The following DROSHA variants were observed in gnomAD, a reference collection of about 807,000 sequenced individuals.
The protein encoded by DROSHA is ribonuclease 3.
A neutral mutation model predicts 181.9 loss-of-function variants in DROSHA; 56 were observed. That is an observed-to-expected ratio of 0.31 (90% CI 0.25 to 0.38). DROSHA has a LOEUF of 0.38. Ranked by LOEUF, DROSHA falls within the 10% of genes least tolerant of loss-of-function variation. The pLI is 1.00. For missense variants in DROSHA, 1,218 were observed against 1,743.5 expected, an observed-to-expected ratio of 0.70 and a Z score of 5.37; for synonymous variants, 524 against 591.2, an observed-to-expected ratio of 0.89 and a Z score of 1.65.
intron 21 of DROSHA, among the ~76,000 whole-genome samples, chr5:31,449,837 T>C (rs1045602969): frequency 1.3e-5 from 2 of 152,184 alleles, no homozygotes; most frequent in African/African-American, 4.8e-5. Context: ...CCCTGATCTT[T>C]CCATCTTATC....
At chr5:31,401,738 C>CA (rs1437310510) in intron 35 of DROSHA, among the ~76,000 whole-genome samples, 176 bp from the exon 36 acceptor site, 1 of 152,120 alleles carries the variant, frequency 6.6e-6, no homozygotes, top group African/African-American at 2.4e-5. Context: ...TTTCATCACT[C>CA]AAAAACATAA....
intron 23 of DROSHA, among the ~76,000 whole-genome samples, chr5:31,439,497 CA>C (rs994222017): frequency 6.6e-6 from 1 of 152,034 alleles, no homozygotes; most frequent in African/African-American, 2.4e-5. Context: ...ATTTTAGGTT[CA>C]GGGGTACCTG....
chr5:31,445,861 A>G (rs618885), intron 23 of DROSHA, among the ~76,000 whole-genome samples: 27,914 of 152,176 alleles, frequency 0.18, 2,788 homozygotes, highest in East Asian at 0.35. Flanking sequence ...TCCTACTGAG[A>G]TTAGGAAGAC....
At chr5:31,463,631 G>C (rs1395364449) in intron 20 of DROSHA, among the ~76,000 whole-genome samples, 1 of 152,074 alleles carries the variant, frequency 6.6e-6, no homozygotes, top group Admixed American at 6.5e-5. Flanking sequence ...TGGTTTAGGG[G>C]ATCTTTAATC....
At chr5:31,466,564 C>G (rs1749033951) in intron 18 of DROSHA, 3 of 258,686 alleles carry the variant, frequency 1.2e-5, no homozygotes, top group African/African-American at 2.2e-5. Context: ...TCCAAAGACA[C>G]AAAAACACCT....
At chr5:31,416,806 G>A (rs900561762) in intron 30 of DROSHA, among the ~76,000 whole-genome samples, 23 of 152,260 alleles carry the variant, frequency 1.5e-4, no homozygotes, top group Admixed American at 1.3e-3. Context: ...GACCACCCAG[G>A]GCTTTGCCTG....
Position 31,439,373 on chromosome 5 carries a change from T to C in DROSHA, c.2883-2075A>G, listed in dbSNP as rs191799802. Among the ~76,000 whole-genome samples the C allele has an allele frequency of 3.2e-4, 48 of 152,316 alleles. 1 individual carries two copies. The highest frequency in any genetic ancestry group is 3.0e-3 in the Admixed American group (46 of 15,302). ...GTAGCCATGTGGGCTACCAGATCGA[T>C]TGTCATAGTATCTCAGTGCCTATGT... On this transcript the variant is annotated intron_variant, in intron 23 of 35. Transcript: ENST00000344624.
At chr5:31,479,779 T>C (rs1457879222) in intron 16 of DROSHA, among the ~76,000 whole-genome samples, 1 of 152,122 alleles carries the variant, frequency 6.6e-6, no homozygotes, top group Non-Finnish European at 1.5e-5. Flanking sequence ...TTGAATAGCA[T>C]ATGTACGTTC....
intron 17 of DROSHA, among the ~76,000 whole-genome samples, chr5:31,469,140 C>T (rs554431250): frequency 1.3e-5 from 2 of 152,188 alleles, no homozygotes; most frequent in African/African-American, 2.4e-5. Flanking sequence ...GGGTGGATCA[C>T]GAGGTCAGGA....
chr5:31,431,444 G>T lies in DROSHA; in HGVS notation c.3145+132C>A, dbSNP rs1195162057. 5.8e-6 allele frequency: 4 copies of T among 687,618 alleles called. No individual in the cohort carries two copies. The African/African-American group carries it at 7.3e-5, about 12-fold the overall frequency. 42.6% of individuals were successfully genotyped at this position (687,618 alleles called of 1,614,324 possible). A position where few individuals can be genotyped will look rare whatever the true frequency, so the allele number is the denominator to read the frequency against. On this transcript the variant is annotated intron_variant, in intron 26 of 35. Transcript: ENST00000344624. Reference sequence around the variant, plus strand: ...AAATAACTATAATATAAGGTGGTAGGTGTCGTCCTAGGAACCTCATGTGCT... The same window carrying T: ...AAATAACTATAATATAAGGTGGTAGTTGTCGTCCTAGGAACCTCATGTGCT...
rs1186632820 is a variant in DROSHA at position 31,508,603 on chromosome 5, G to C, written c.1587+18C>G. On this transcript the variant is annotated intron_variant, in intron 10 of 35. Coordinates refer to ENST00000344624, the MANE Select transcript of DROSHA (RefSeq NM_001382508.1). ...TCTGGGTTTGCAACCTTCACAGCAA[G>C]GGCATAAAAACACGCACCTGGCCTG... 1.9e-6 allele frequency: 3 copies of C among 1,613,704 alleles called. No homozygotes were observed. The highest frequency in any genetic ancestry group is 2.5e-6 in the Non-Finnish European group (3 of 1,179,820).
In DROSHA at chr5:31,514,580, G is replaced by C. The variant is rs1022510022; in HGVS notation, c.1290+408C>G. On this transcript the variant is annotated intron_variant, in intron 8 of 35. Coordinates refer to ENST00000344624, the MANE Select transcript of DROSHA (RefSeq NM_001382508.1). The surrounding 1 kb of genome is among the most constrained non-coding windows in gnomAD (Gnocchi z 4.4). ...GAATCACTTGAGCCTGGAAGATCAA[G>C]GCTGCAGTGAGCCACGATGGTGCCA... Among the ~76,000 whole-genome samples the C allele has an allele frequency of 1.3e-5, 2 of 152,184 alleles. No homozygotes were observed. Among genetic ancestry groups the C allele is most frequent in the Non-Finnish European group, 2.9e-5 (2 of 68,036 alleles).
At chr5:31,459,945 T>G (rs746079494) in intron 20 of DROSHA, among the ~76,000 whole-genome samples, 15 of 152,210 alleles carry the variant, frequency 9.9e-5, no homozygotes, top group Non-Finnish European at 1.8e-4. Flanking sequence ...ATGAGTCTCC[T>G]ACTGGTGATG....
intron 23 of DROSHA, among the ~76,000 whole-genome samples, chr5:31,441,833 A>G (rs1350290270): frequency 6.6e-6 from 1 of 152,252 alleles, no homozygotes; most frequent in African/African-American, 2.4e-5. Flanking sequence ...TCTGTGGCAC[A>G]GGCTTTATCT....
Position 31,514,929 on chromosome 5 carries a change from C to A in DROSHA, c.1290+59G>T. 1 of 1,515,822 alleles carries A rather than the reference C, an allele frequency of 6.6e-7. No individual in the cohort carries two copies. Among genetic ancestry groups the A allele is most frequent in the Non-Finnish European group, 9.1e-7 (1 of 1,104,352 alleles). 93.9% of individuals were successfully genotyped at this position (1,515,822 alleles called of 1,614,324 possible). A position where few individuals can be genotyped will look rare whatever the true frequency, so the allele number is the denominator to read the frequency against. On this transcript the variant is annotated intron_variant, in intron 8 of 35. Coordinates refer to ENST00000344624, the MANE Select transcript of DROSHA (RefSeq NM_001382508.1). This position sits in a 1 kb window ranked among gnomAD's most constrained non-coding sequence, Gnocchi z 4.4. Reference sequence around the variant, plus strand: ...TCAAGAATTTATCCAGCCCCAAAGGCCAATAGTGACAACGCCGAGAAGCCC... The same window carrying A: ...TCAAGAATTTATCCAGCCCCAAAGGACAATAGTGACAACGCCGAGAAGCCC...
At position 31,526,641 on chromosome 5, in the gene DROSHA, T is replaced by C; in HGVS notation, c.292A>G (p.Ile98Val). 1 of 1,404,956 alleles carries C rather than the reference T, an allele frequency of 7.1e-7. No individual in the cohort carries two copies. Among genetic ancestry groups the C allele is most frequent in the South Asian group, 1.4e-5 (1 of 69,674 alleles). 87.0% of individuals were successfully genotyped at this position (1,404,956 alleles called of 1,614,324 possible). A position where few individuals can be genotyped will look rare whatever the true frequency, so the allele number is the denominator to read the frequency against. ...SAQGPLPPCP[I>V]RPPFPNHQMR... ...TGGTGGTTGGGGAAAGGCGGCCTGATTGGGCAGGGGGGAAGAGGGCCTTGC... is the reference window on the plus strand; with the variant it reads ...TGGTGGTTGGGGAAAGGCGGCCTGACTGGGCAGGGGGGAAGAGGGCCTTGC... The change falls in exon 5 of 36, where the codon ATC (isoleucine) becomes GTC (valine). Residue 98 changes from isoleucine (I) to valine (V), a missense_variant. Physicochemically the swap from Ile to Val is conservative, Grantham distance 29. Around this residue, in one of 8 missense-constraint regions of DROSHA, gnomAD observed 536 missense variants for 535.4 expected, o/e 1.00. Coordinates refer to ENST00000344624, the MANE Select transcript of DROSHA (RefSeq NM_001382508.1).
intron 11 of DROSHA, among the ~76,000 whole-genome samples, chr5:31,498,626 G>A (rs909180146): frequency 6.6e-6 from 1 of 152,110 alleles, no homozygotes; most frequent in Non-Finnish European, 1.5e-5. Flanking sequence ...GGGAGGCCAA[G>A]GTGGGCAGAT....
At position 31,470,417 on chromosome 5, in the gene DROSHA, G is replaced by C. The variant is rs1225561742; in HGVS notation, c.2241+1646C>G. Among the ~76,000 whole-genome samples the C allele has an allele frequency of 6.6e-6, 1 of 152,128 alleles. No homozygotes were observed. The highest frequency in any genetic ancestry group is 1.5e-5 in the Non-Finnish European group (1 of 68,032). On this transcript the variant is annotated intron_variant, in intron 17 of 35. Coordinates refer to ENST00000344624, the MANE Select transcript of DROSHA (RefSeq NM_001382508.1). The surrounding 1 kb of genome is among the most constrained non-coding windows in gnomAD (Gnocchi z 4.0). ...GGTCTTTGGGTTTTCACCTGGGCAA[G>C]CATCATACATTAGTTTGGTGCAAAA...
At chr5:31,412,538 T>C (rs1261222220) in intron 30 of DROSHA, among the ~76,000 whole-genome samples, 2 of 152,188 alleles carry the variant, frequency 1.3e-5, no homozygotes, top group Middle Eastern at 3.2e-3. Flanking sequence ...AATAGATAAA[T>C]AAGAAACAAT....
Sources: allele counts gnomAD v4.1 joint callset (sites outside exome capture counted in the v4.1 genomes callset), GRCh38; gene constraint gnomAD v4.1.1; regional missense constraint gnomAD v4.1.1; non-coding constraint Gnocchi (gnomAD v3.1); transcripts MANE v1.5; gene names NCBI Gene and HGNC (gene_info 2026-07-23, HGNC 2026-07-21).